The following PRKN variants were observed in gnomAD, a reference collection of about 807,000 sequenced individuals.
The protein encoded by PRKN is E3 ubiquitin-protein ligase parkin.
Under a neutral mutation model 59.5 loss-of-function variants are expected in PRKN, and 56 were observed. The ratio of observed to expected loss-of-function variants is 0.94; its 90% CI spans 0.76 to 1.18. PRKN has a LOEUF of 1.18. Among genes scored for constraint, PRKN ranks in the 50% most tolerant of loss-of-function variants. The pLI is 0.00. For synonymous variants in PRKN, 250 were observed against 222.1 expected (o/e 1.13, Z -1.12); for missense variants, 657 against 596.4 (o/e 1.10, Z -1.06).
chr6:162,595,585 T>A (rs1781470019), intron 1 of PRKN, among the ~76,000 whole-genome samples: 1 of 152,192 alleles, frequency 6.6e-6, no homozygotes, highest in African/African-American at 2.4e-5. Context: ...GGTTTGGCTC[T>A]AACAATTACA....
intron 6 of PRKN, among the ~76,000 whole-genome samples, chr6:161,862,863 G>GT (rs1793962657): frequency 6.6e-6 from 1 of 152,212 alleles, no homozygotes; most frequent in African/African-American, 2.4e-5. Context: ...TGTTTGGTTT[G>GT]TTTTTTTAAG....
intron 1 of PRKN, among the ~76,000 whole-genome samples, chr6:162,502,997 TTAAAA>T (rs1443901659): frequency 2.0e-5 from 3 of 151,448 alleles, no homozygotes; most frequent in Non-Finnish European, 4.4e-5. Context: ...TTTCTTAATA[TTAAAA>T]TAAAATAGAA....
intron 7 of PRKN, among the ~76,000 whole-genome samples, chr6:161,765,372 C>A (rs564561457): frequency 1.3e-5 from 2 of 152,254 alleles, no homozygotes; most frequent in East Asian, 3.9e-4. Context: ...TAGCTGGTTG[C>A]AAATCTCATT....
At chr6:162,659,558 T>C (rs1778802497) in intron 1 of PRKN, among the ~76,000 whole-genome samples, 1 of 152,166 alleles carries the variant, frequency 6.6e-6, no homozygotes. Flanking sequence ...AACATAATTT[T>C]ACCCTTAAAT....
rs192374700 is a variant in PRKN, at chr6:161,855,166, C to T, written c.735-69258G>A. 9.2e-5 allele frequency among the ~76,000 whole-genome samples: 14 copies of T among 151,576 alleles called. No individual in the cohort carries two copies. In the East Asian group the frequency reaches 2.5e-3, roughly 27 times the overall value. ...CCTTGCACCAGAACCACCTGGAGAA[C>T]TTTGTAAAAATGCAGCTGCTTGCTC... On this transcript the variant is annotated intron_variant, in intron 6 of 11. Transcript: ENST00000366898.
intron 4 of PRKN, among the ~76,000 whole-genome samples, chr6:162,115,402 G>A (rs934481646): frequency 6.6e-6 from 1 of 151,932 alleles, no homozygotes; most frequent in Non-Finnish European, 1.5e-5. Context: ...GCTAGATGAC[G>A]AGTTAGTGGG....
intron 6 of PRKN, among the ~76,000 whole-genome samples, chr6:161,935,894 C>A (rs905119350): frequency 1.2e-4 from 18 of 152,114 alleles, no homozygotes; most frequent in Admixed American, 4.6e-4. Flanking sequence ...CAAACAATAG[C>A]CAATGCCATA....
Position 161,525,143 on chromosome 6 carries a change from G to GTA in PRKN, c.1083+23710_1083+23711insTA, listed in dbSNP as rs1778972758. ...CATTTTCTAAAAGGTGTGTGTGTGTGTGTGTGTGTATGTGTGTGTGAGTAG... is the reference window on the plus strand; with the variant it reads ...CATTTTCTAAAAGGTGTGTGTGTGTGTATGTGTGTGTATGTGTGTGTGAGTAG... On this transcript the variant is annotated intron_variant, in intron 9 of 11. Coordinates refer to ENST00000366898, the MANE Select transcript of PRKN (RefSeq NM_004562.3). This position sits in a 1 kb window ranked among gnomAD's most constrained non-coding sequence, Gnocchi z 4.7. Among the ~76,000 whole-genome samples the GTA allele has an allele frequency of 1.3e-5, 2 of 151,790 alleles. No homozygotes were observed. Among genetic ancestry groups the GTA allele is most frequent in the Non-Finnish European group, 2.9e-5 (2 of 67,956 alleles).
chr6:162,309,893 G>T (rs73024757), intron 2 of PRKN, among the ~76,000 whole-genome samples: 168 of 152,164 alleles, frequency 1.1e-3, no homozygotes, highest in Non-Finnish European at 1.9e-3. Context: ...GCCCCAGTGT[G>T]TGTTGTTCCC....
At chr6:162,339,279 C>T (rs868084235) in intron 2 of PRKN, among the ~76,000 whole-genome samples, 113 of 138,782 alleles carry the variant, frequency 8.1e-4, no homozygotes, top group South Asian at 1.4e-3. Flanking sequence ...CCGCCCCGTC[C>T]GGGAGGGAGG....
intron 5 of PRKN, among the ~76,000 whole-genome samples, chr6:162,046,852 T>C (rs888019463): frequency 6.6e-6 from 1 of 152,048 alleles, no homozygotes; most frequent in African/African-American, 2.4e-5. Flanking sequence ...ATTTGCAAAA[T>C]TTAAGCTAAT....
intron 1 of PRKN, among the ~76,000 whole-genome samples, chr6:162,556,356 T>G (rs1186316629): frequency 1.5e-5 from 1 of 65,552 alleles, no homozygotes; most frequent in Non-Finnish European, 3.6e-5. Context: ...TGTGTGTGTG[T>G]GTGTGTGTGT....
At chr6:162,418,750 A>G (rs933135382) in intron 2 of PRKN, among the ~76,000 whole-genome samples, 3 of 151,350 alleles carry the variant, frequency 2.0e-5, no homozygotes, top group African/African-American at 7.3e-5. Flanking sequence ...GTTCCTGCAC[A>G]CTCATGAAGG....
chr6:162,719,906 A>C (rs1234301405), intron 1 of PRKN, among the ~76,000 whole-genome samples: 18 of 3,854 alleles, frequency 4.7e-3, no homozygotes, highest in African/African-American at 7.4e-3. Context: ...AAAAAAAAAA[A>C]AAAAAAAAAA....
At chr6:161,829,165 G>A (rs1792371365) in intron 6 of PRKN, among the ~76,000 whole-genome samples, 1 of 152,214 alleles carries the variant, frequency 6.6e-6, no homozygotes, top group East Asian at 1.9e-4. Flanking sequence ...GGCGGAGGTT[G>A]CAGTCAGCCA....
At chr6:161,438,496 A>G (rs948245003) in intron 9 of PRKN, among the ~76,000 whole-genome samples, 6 of 152,080 alleles carry the variant, frequency 3.9e-5, no homozygotes, top group Non-Finnish European at 7.4e-5. Context: ...GATTACAGGC[A>G]TCAGCCACTG....
intron 6 of PRKN, among the ~76,000 whole-genome samples, chr6:161,873,003 T>C (rs1430256818): frequency 6.7e-6 from 1 of 148,162 alleles, no homozygotes; most frequent in South Asian, 2.2e-4. Context: ...AGCTAGTGTG[T>C]GGCTGGTTGT....
intron 9 of PRKN, among the ~76,000 whole-genome samples, chr6:161,437,047 C>G (rs757057499): frequency 6.6e-6 from 1 of 152,144 alleles, no homozygotes; most frequent in Admixed American, 6.5e-5. Flanking sequence ...GCTGAAATCA[C>G]GGGTAGTACC....
At chr6:162,300,656 C>G (rs1781901930) in intron 2 of PRKN, among the ~76,000 whole-genome samples, 1 of 152,068 alleles carries the variant, frequency 6.6e-6, no homozygotes, top group African/African-American at 2.4e-5. Flanking sequence ...CTTTATCGGG[C>G]AAGCTCAGTC....
Sources: gnomAD v4.1 joint callset for allele counts (sites outside exome capture counted in the v4.1 genomes callset) on GRCh38, gnomAD v4.1.1 for gene constraint, Gnocchi (gnomAD v3.1) non-coding constraint, MANE v1.5 for transcripts, NCBI Gene and HGNC (gene_info 2026-07-23, HGNC 2026-07-21) for gene names.